Variants in CRISPLD2 observed in about 807,000 individuals in gnomAD.
CRISPLD2 encodes cysteine-rich secretory protein LCCL domain-containing 2.
CRISPLD2 carries 47 observed loss-of-function variants against 71.1 expected under a neutral mutation model. The observed-to-expected ratio is 0.66, with a 90% CI of 0.52 to 0.84. The LOEUF (loss-of-function observed/expected upper bound fraction) is 0.84, where lower values mean the gene tolerates loss of function less well. Among genes scored for constraint, CRISPLD2 ranks in the 40% least tolerant of loss-of-function variants. CRISPLD2 has a pLI of 0.00. For missense variants in CRISPLD2, 830 were observed against 651.1 expected (o/e 1.27, Z -2.99); for synonymous variants, 317 against 250.1 (o/e 1.27, Z -2.52).
chr16:84,884,689 C>A (rs776860959), intron 13 of CRISPLD2, among the ~76,000 whole-genome samples: 1 of 152,146 alleles, frequency 6.6e-6, no homozygotes, highest in Non-Finnish European at 1.5e-5. Context: ...GATAACGGGG[C>A]GGTACCGGGC....
chr16:84,864,790 G>C (rs1917490225), intron 6 of CRISPLD2, among the ~76,000 whole-genome samples: 1 of 152,246 alleles, frequency 6.6e-6, no homozygotes, highest in Non-Finnish European at 1.5e-5. Context: ...GATGAGGCAG[G>C]TGGTGGGGAA....
chr16:84,837,247 C>T (rs1916643249), intron 1 of CRISPLD2, among the ~76,000 whole-genome samples: 1 of 152,112 alleles, frequency 6.6e-6, no homozygotes. Flanking sequence ...GTCTGTGGTT[C>T]GTGACCCTAT....
rs549011048 is a variant in CRISPLD2 at position 84,876,509 on chromosome 16, A to G, written c.1157-929A>G. 2.6e-5 allele frequency among the ~76,000 whole-genome samples: 4 copies of G among 151,244 alleles called. No individual in the cohort carries two copies. The South Asian group carries it at 6.3e-4, about 24-fold the overall frequency. Reference sequence around the variant, plus strand: ...AGAGTGAGACTCCGTCTCAAAAAAAAAAGGCCGGTGCAGTGGTTTCCACCT... The same window carrying G: ...AGAGTGAGACTCCGTCTCAAAAAAAGAAGGCCGGTGCAGTGGTTTCCACCT... On this transcript the variant is annotated intron_variant, in intron 11 of 14. Transcript: ENST00000262424.
intron 12 of CRISPLD2, among the ~76,000 whole-genome samples, chr16:84,879,461 C>G (rs1357315407): frequency 6.6e-6 from 1 of 151,160 alleles, no homozygotes; most frequent in South Asian, 2.1e-4. Context: ...CTCCCAGATT[C>G]AAGCCATTCT....
chr16:84,885,152 C>T (rs539216854), intron 13 of CRISPLD2, among the ~76,000 whole-genome samples: 47 of 152,244 alleles, frequency 3.1e-4, no homozygotes, highest in Non-Finnish European at 5.1e-4. Flanking sequence ...CGGGTAGGGG[C>T]GGGGGTGGAT....
intron 13 of CRISPLD2, among the ~76,000 whole-genome samples, chr16:84,883,346 G>A (rs562009463): frequency 1.6e-4 from 25 of 152,352 alleles, no homozygotes; most frequent in Middle Eastern, 3.4e-3. Context: ...TGTTCACCAG[G>A]ACTGCATTTC....
intron 2 of CRISPLD2, among the ~76,000 whole-genome samples, chr16:84,844,958 G>T (rs537623447): frequency 1.3e-5 from 2 of 152,154 alleles, no homozygotes; most frequent in African/African-American, 4.8e-5. Context: ...GGGTAACTGC[G>T]TGCCTAGGTT....
Position 84,845,605 on chromosome 16 carries a change from C to A in CRISPLD2, c.241-181C>A, listed in dbSNP as rs561431131. ...GCCCAGCAGGAGGCCTGAGGATAGG[C>A]TTGGAGCCGGCACGTCTGGCCTGCC... On this transcript the variant is annotated intron_variant, in intron 2 of 14. Transcript: ENST00000262424. Among the ~76,000 whole-genome samples the A allele has an allele frequency of 9.8e-5, 15 of 152,366 alleles. No homozygotes were observed. In the South Asian group the frequency reaches 3.1e-3, roughly 32 times the overall value.
At chr16:84,868,753 G>T in intron 7 of CRISPLD2, 98 bp from the exon 8 acceptor site, 1 of 1,008,132 alleles carries the variant, frequency 9.9e-7, no homozygotes, top group South Asian at 1.3e-5. Flanking sequence ...GCACGGATTG[G>T]ATTGCAGAAT....
At chr16:84,868,732 C>T (rs952812590) in intron 7 of CRISPLD2, 119 bp from the exon 8 acceptor site, 1 of 839,776 alleles carries the variant, frequency 1.2e-6, no homozygotes, top group Non-Finnish European at 2.0e-6. Context: ...ATTGCCCTTG[C>T]TCTTAGTATA....
rs1330756740 is a variant in CRISPLD2 at position 84,906,762 on chromosome 16, G to A, written c.*120G>A. The A allele has an allele frequency of 2.6e-6, 3 of 1,139,048 alleles. No individual in the cohort carries two copies. The highest frequency in any genetic ancestry group is 1.8e-5 in the Admixed American group (1 of 56,134). The allele number at this position is 1,139,048 out of a possible 1,614,324, so 70.6% of individuals were successfully genotyped here. On this transcript the variant is annotated 3_prime_UTR_variant, in exon 15 of 15. Coordinates refer to ENST00000262424, the MANE Select transcript of CRISPLD2 (RefSeq NM_031476.4). ...GGAAACTTCCTTTGACTGATGTTCA[G>A]TGTCCATCACTTTGTGGCCTGTGGG...
intron 1 of CRISPLD2, among the ~76,000 whole-genome samples, chr16:84,821,869 A>T (rs567650300): frequency 6.6e-6 from 1 of 152,226 alleles, no homozygotes; most frequent in Admixed American, 6.5e-5. Context: ...TGCCTGCTCT[A>T]TTAGCTGGGC....
In CRISPLD2 at chr16:84,866,977, T is replaced by G; in HGVS notation, c.790T>G (p.Trp264Gly). ...TCCCATTCCTGAAGAAAACCATGTT[T>G]GGCTCCAACCGAGGGTGATGAGACC... ...TAPIPEENHVWLQPRVMRPTK... is the reference protein window; with the variant it reads ...TAPIPEENHVGLQPRVMRPTK... The change falls in exon 7 of 15, where the codon TGG (tryptophan) becomes GGG (glycine). Residue 264 changes from tryptophan to glycine, a missense_variant. Trp to Gly is a radical substitution (Grantham distance 184). Coordinates refer to ENST00000262424, the MANE Select transcript of CRISPLD2 (RefSeq NM_031476.4). 1.2e-6 allele frequency: 2 copies of G among 1,614,074 alleles called. No homozygotes were observed. Among genetic ancestry groups the G allele is most frequent in the Non-Finnish European group, 1.7e-6 (2 of 1,180,016 alleles).
chr16:84,857,378 T>C (rs1164286805), intron 6 of CRISPLD2, among the ~76,000 whole-genome samples: 1 of 152,190 alleles, frequency 6.6e-6, no homozygotes, highest in Non-Finnish European at 1.5e-5. Flanking sequence ...TACAAACATC[T>C]TCACAGTTCG....
intron 1 of CRISPLD2, among the ~76,000 whole-genome samples, chr16:84,832,552 G>A (rs150714566): frequency 1.1e-4 from 17 of 152,384 alleles, no homozygotes; most frequent in African/African-American, 3.1e-4. Flanking sequence ...AACGAGACCC[G>A]CAGGTCTGCG....
At chr16:84,830,939 T>C (rs1233263083) in intron 1 of CRISPLD2, among the ~76,000 whole-genome samples, 1 of 152,152 alleles carries the variant, frequency 6.6e-6, no homozygotes, top group Non-Finnish European at 1.5e-5. Flanking sequence ...GGTGGGAGTA[T>C]TTACACCAAG....
chr16:84,905,781 C>T (rs2071796788), intron 14 of CRISPLD2, among the ~76,000 whole-genome samples: 1 of 148,474 alleles, frequency 6.7e-6, no homozygotes, highest in African/African-American at 2.5e-5. Context: ...TTGATCTTGG[C>T]TCACTGCATC....
chr16:84,889,667 C>G (rs540698342), intron 14 of CRISPLD2, among the ~76,000 whole-genome samples: 7 of 151,602 alleles, frequency 4.6e-5, no homozygotes, highest in African/African-American at 1.5e-4. Context: ...CAGATAAGCC[C>G]GAAGATAAAC....
intron 3 of CRISPLD2, among the ~76,000 whole-genome samples, chr16:84,847,263 A>G (rs1916939312): frequency 6.6e-6 from 1 of 152,080 alleles, no homozygotes; most frequent in African/African-American, 2.4e-5. Context: ...TTCAGGACAA[A>G]CCTGGGCAGG....
Sources: allele counts gnomAD v4.1 joint callset (sites outside exome capture counted in the v4.1 genomes callset), GRCh38; gene constraint gnomAD v4.1.1; transcripts MANE v1.5; gene names NCBI Gene and HGNC (gene_info 2026-07-23, HGNC 2026-07-21).